Variants in GSE1 observed in about 807,000 individuals in gnomAD.
GSE1 encodes the protein Gse1 coiled-coil protein.
Under a neutral mutation model 112.6 loss-of-function variants are expected in GSE1, and 32 were observed. That is an observed-to-expected ratio of 0.28 (90% confidence interval 0.21 to 0.38). GSE1 has a LOEUF of 0.38. Among genes scored for constraint, GSE1 ranks in the 10% least tolerant of loss-of-function variants. GSE1 has a pLI of 1.00. For synonymous variants in GSE1, 1,115 were observed against 735.6 expected (o/e 1.52, Z -8.35); for missense variants, 2,348 against 1,699.2 (o/e 1.38, Z -6.71).
chr16:85,321,358 C>T (rs112823575), intron 1 of GSE1, among the ~76,000 whole-genome samples: 2,420 of 152,282 alleles, frequency 0.016, 68 homozygotes, highest in African/African-American at 0.055. Context: ...CATGGTTTCT[C>T]CCCTCTTCTG....
intron 1 of GSE1, among the ~76,000 whole-genome samples, chr16:85,206,317 G>C (rs1215115765): frequency 6.6e-6 from 1 of 152,154 alleles, no homozygotes; most frequent in Non-Finnish European, 1.5e-5. Flanking sequence ...TCTGAAGGGT[G>C]GGGGCACGGT....
intron 1 of GSE1, among the ~76,000 whole-genome samples, chr16:85,236,626 T>C (rs888801616): frequency 2.0e-5 from 3 of 152,250 alleles, no homozygotes; most frequent in South Asian, 4.1e-4. Context: ...GAATGCCTGC[T>C]CTTGGGTCCC....
chr16:85,533,277 G>A (rs1479914204), intron 2 of GSE1, among the ~76,000 whole-genome samples: 15 of 151,766 alleles, frequency 9.9e-5, no homozygotes, highest in Non-Finnish European at 1.5e-4. Flanking sequence ...AAAATTAGCC[G>A]GGCATGGTGG....
rs1356538278 is a variant in GSE1 at position 85,663,104 on chromosome 16, C to T, written c.2373+11C>T. ...GACACGTCCTCTGAGGTACTGGGCTCTCCTCCCCACGGACATGCTCTGGGC... is the reference window on the plus strand; with the variant it reads ...GACACGTCCTCTGAGGTACTGGGCTTTCCTCCCCACGGACATGCTCTGGGC... On this transcript the variant is annotated intron_variant, in intron 10 of 15. Coordinates refer to ENST00000253458, the MANE Select transcript of GSE1 (RefSeq NM_014615.5). 1.9e-6 allele frequency: 3 copies of T among 1,554,990 alleles called. No homozygotes were observed. The South Asian group carries it at 3.3e-5, about 17-fold the overall frequency.
intron 5 of GSE1, 87 bp downstream of exon 5, chr16:85,655,078 C>A: frequency 1.1e-6 from 1 of 877,016 alleles, no homozygotes; most frequent in Non-Finnish European, 1.8e-6. Flanking sequence ...TTTCTTATGA[C>A]CTGAGAGCCA....
intron 14 of GSE1, among the ~76,000 whole-genome samples, chr16:85,669,327 G>A (rs1395463459): frequency 6.6e-6 from 1 of 152,178 alleles, no homozygotes. Context: ...ATATGACAGT[G>A]TTGTAAATAT....
chr16:85,656,852 G>A (rs917746977), intron 7 of GSE1, among the ~76,000 whole-genome samples, 187 bp downstream of exon 7: 2 of 152,284 alleles, frequency 1.3e-5, no homozygotes, highest in African/African-American at 4.8e-5. Flanking sequence ...AGACACAGTG[G>A]ATATAGCTGA....
chr16:85,508,089 G>C (rs957573023), intron 2 of GSE1, among the ~76,000 whole-genome samples: 7 of 152,126 alleles, frequency 4.6e-5, no homozygotes, highest in African/African-American at 1.7e-4. Flanking sequence ...GGCTGGGGTG[G>C]AGTGACTCGA....
At chr16:85,223,069 G>C (rs1169263212) in intron 1 of GSE1, among the ~76,000 whole-genome samples, 1 of 152,124 alleles carries the variant, frequency 6.6e-6, no homozygotes, top group Non-Finnish European at 1.5e-5. Flanking sequence ...TCTGTTCTCA[G>C]GTACGGGGCC....
chr16:85,531,713 A>C (rs2044143743), intron 2 of GSE1, among the ~76,000 whole-genome samples: 1 of 152,050 alleles, frequency 6.6e-6, no homozygotes, highest in African/African-American at 2.4e-5. Context: ...CGTCTGAGGA[A>C]ATGGCAGGGG....
At chr16:85,506,999 C>T (rs1461896635) in intron 2 of GSE1, among the ~76,000 whole-genome samples, 2 of 152,142 alleles carry the variant, frequency 1.3e-5, no homozygotes, top group East Asian at 3.9e-4. Flanking sequence ...CCTTGGTGGC[C>T]TGTGGTATGC....
At chr16:85,438,981 C>T (rs544809972) in intron 2 of GSE1, among the ~76,000 whole-genome samples, 2 of 152,344 alleles carry the variant, frequency 1.3e-5, no homozygotes, top group South Asian at 4.1e-4. Flanking sequence ...ACCTCTGCCC[C>T]AGGCCCTGTG....
intron 1 of GSE1, among the ~76,000 whole-genome samples, chr16:85,633,026 G>GCCA (rs2049677228): frequency 1.3e-5 from 2 of 152,158 alleles, no homozygotes; most frequent in African/African-American, 2.4e-5. Flanking sequence ...CGCCGCCGCC[G>GCCA]CCGCTGTCAC....
At chr16:85,670,853 TGTG>T (rs1240421226) in intron 14 of GSE1, 139 bp from the exon 15 acceptor site, 18 of 614,224 alleles carry the variant, frequency 2.9e-5, no homozygotes, top group Admixed American at 1.2e-4. Flanking sequence ...CTGGGAGCAT[TGTG>T]GTCCACAGGA....
intron 1 of GSE1, among the ~76,000 whole-genome samples, chr16:85,344,727 C>G (rs963410163): frequency 1.3e-5 from 2 of 152,248 alleles, no homozygotes; most frequent in Admixed American, 6.5e-5. Flanking sequence ...AGGCACACAA[C>G]TCGTCAGGTG....
intron 2 of GSE1, among the ~76,000 whole-genome samples, chr16:85,473,224 C>T (rs1292627781): frequency 6.6e-6 from 1 of 152,234 alleles, no homozygotes; most frequent in Admixed American, 6.5e-5. Context: ...GTAAAAGGTA[C>T]AGGTCCCTGG....
intron 1 of GSE1, among the ~76,000 whole-genome samples, chr16:85,341,759 C>G (rs919669796): frequency 2.0e-5 from 3 of 151,460 alleles, no homozygotes; most frequent in Admixed American, 1.3e-4. Flanking sequence ...CCTGGCCCCC[C>G]AAAACACTGG....
intron 2 of GSE1, among the ~76,000 whole-genome samples, chr16:85,475,375 C>G (rs1186192697): frequency 6.6e-6 from 1 of 152,226 alleles, no homozygotes; most frequent in African/African-American, 2.4e-5. Context: ...GCCCATAGCC[C>G]AAAGGCTAGG....
At chr16:85,652,426 A>C (rs1476577942) in intron 3 of GSE1, among the ~76,000 whole-genome samples, 4 of 152,192 alleles carry the variant, frequency 2.6e-5, no homozygotes, top group Non-Finnish European at 5.9e-5. Flanking sequence ...CCCACCCTCG[A>C]GACCAGCACC....
Sources: allele counts gnomAD v4.1 joint callset (sites outside exome capture counted in the v4.1 genomes callset), GRCh38; gene constraint gnomAD v4.1.1; transcripts MANE v1.5; gene names NCBI Gene and HGNC (gene_info 2026-07-23, HGNC 2026-07-21).